The following NEO1 variants were observed in gnomAD, a reference collection of about 807,000 sequenced individuals.
The protein encoded by NEO1 is neogenin 1, also known as neogenin.
Under a neutral mutation model 159.7 loss-of-function variants are expected in NEO1, and 63 were observed. The observed-to-expected ratio is 0.39, with a 90% CI of 0.32 to 0.49. The LOEUF is 0.49. Among genes scored for constraint, NEO1 ranks in the 20% least tolerant of loss-of-function variants. NEO1 has a pLI of 0.85. For missense variants in NEO1, 1,615 were observed against 1,831.0 expected (o/e 0.88, Z 2.15); for synonymous variants, 633 against 662.0 (o/e 0.96, Z 0.67).
intron 5 of NEO1, among the ~76,000 whole-genome samples, chr15:73,144,179 G>A (rs1246046196): frequency 5.9e-5 from 9 of 152,106 alleles, no homozygotes; most frequent in African/African-American, 2.2e-4. Flanking sequence ...TTATTCTGGA[G>A]GAAGATGAAC....
rs561678497 is a variant in NEO1, at chr15:73,257,103, GC to G, written c.2093-1661del. Among the ~76,000 whole-genome samples, 88 of 116,180 alleles carry G rather than the reference GC, an allele frequency of 7.6e-4. 1 individual carries two copies. The highest frequency in any genetic ancestry group is 2.8e-3 in the African/African-American group (84 of 30,486). The allele number at this position is 116,180 out of a possible 152,430, so 76.2% of individuals were successfully genotyped here. On this transcript the variant is annotated intron_variant, in intron 13 of 28. Transcript: ENST00000261908. ...GCCGTGATTGTGCCACTGCACTCTA[GC>G]CTGGGCAACAGAGAGAGACTCTGTC...
At chr15:73,161,124 T>C (rs988001224) in intron 5 of NEO1, among the ~76,000 whole-genome samples, 4 of 152,190 alleles carry the variant, frequency 2.6e-5, no homozygotes, top group African/African-American at 4.8e-5. Flanking sequence ...CAAGCCAATA[T>C]GTTTAAATTT....
intron 1 of NEO1, among the ~76,000 whole-genome samples, chr15:73,108,236 C>A (rs2070787418): frequency 6.6e-6 from 1 of 152,136 alleles, no homozygotes; most frequent in Non-Finnish European, 1.5e-5. Context: ...TGGAGAATTT[C>A]CAAGTAACTG....
At chr15:73,056,475 A>G (rs2067701563) in intron 1 of NEO1, among the ~76,000 whole-genome samples, 1 of 152,150 alleles carries the variant, frequency 6.6e-6, no homozygotes, top group Admixed American at 6.5e-5. Context: ...GGGTTGTCTT[A>G]TTCACCTTTG....
intron 1 of NEO1, among the ~76,000 whole-genome samples, chr15:73,054,095 A>G (rs900433230): frequency 2.0e-5 from 3 of 152,228 alleles, no homozygotes; most frequent in Non-Finnish European, 4.4e-5. Context: ...GTACCCTTAT[A>G]CATTCAGTCC....
intron 5 of NEO1, among the ~76,000 whole-genome samples, chr15:73,176,193 G>A (rs2035272092): frequency 6.6e-6 from 1 of 152,072 alleles, no homozygotes; most frequent in East Asian, 1.9e-4. Flanking sequence ...AAAACAGTTA[G>A]TTGTACCAGC....
chr15:73,244,357 A>G lies in NEO1; in HGVS notation c.1465A>G (p.Asn489Asp). ...KEGIARERVE[N>D]TSHPGEMQVT... Reference sequence around the variant, plus strand: ...CTTTGTCTAAAGGGAACGTGTTGAGAATACCAGTCACCCAGGAGAGATGCA... The same window carrying G: ...CTTTGTCTAAAGGGAACGTGTTGAGGATACCAGTCACCCAGGAGAGATGCA... The change falls in exon 9 of 29, where the codon AAT becomes GAT. Residue 489 changes from asparagine (N) to aspartate (D), a missense_variant. This residue lies in a region of NEO1 where 1,018 missense variants were observed against 1,115.4 expected (regional missense o/e 0.91). Coordinates refer to ENST00000261908, the MANE Select transcript of NEO1 (RefSeq NM_002499.4). 6.2e-7 allele frequency: 1 copy of G among 1,613,484 alleles called. No individual in the cohort carries two copies. The highest frequency in any genetic ancestry group is 8.5e-7 in the Non-Finnish European group (1 of 1,179,632).
At chr15:73,103,690 T>C (rs1595990552) in intron 1 of NEO1, among the ~76,000 whole-genome samples, 2 of 152,250 alleles carry the variant, frequency 1.3e-5, no homozygotes, top group African/African-American at 4.8e-5. Context: ...GTGCTTAGCA[T>C]GTGGCACCCA....
At chr15:73,097,536 T>C (rs1029074354) in intron 1 of NEO1, among the ~76,000 whole-genome samples, 1 of 151,892 alleles carries the variant, frequency 6.6e-6, no homozygotes, top group Admixed American at 6.6e-5. Context: ...AATTTTTGTA[T>C]TTTTAGTAGA....
chr15:73,222,450 A>C (rs2038348687), intron 7 of NEO1, among the ~76,000 whole-genome samples: 2 of 152,010 alleles, frequency 1.3e-5, no homozygotes, highest in Admixed American at 1.3e-4. Context: ...TTATTGATCT[A>C]TTTAGAGTAT....
intron 5 of NEO1, among the ~76,000 whole-genome samples, chr15:73,167,204 A>T (rs992739880): frequency 6.6e-6 from 1 of 151,884 alleles, no homozygotes; most frequent in South Asian, 2.1e-4. Flanking sequence ...CAGCACACCA[A>T]CATGGCACTT....
intron 4 of NEO1, among the ~76,000 whole-genome samples, chr15:73,130,910 C>T (rs578175662): frequency 6.6e-6 from 1 of 152,304 alleles, no homozygotes; most frequent in Admixed American, 6.5e-5. Context: ...CCCCTTCTAC[C>T]CAGGGAGGCA....
chr15:73,289,072 A>T (rs1309335455), intron 24 of NEO1, 74 bp from the exon 25 acceptor site: 2 of 1,138,904 alleles, frequency 1.8e-6, no homozygotes. Flanking sequence ...CCCCTACTAG[A>T]AATGTTTCAC....
At chr15:73,215,844 G>T (rs1330965121) in intron 7 of NEO1, among the ~76,000 whole-genome samples, 1 of 152,096 alleles carries the variant, frequency 6.6e-6, no homozygotes, top group Non-Finnish European at 1.5e-5. Context: ...GTGGAATAGT[G>T]TCAAAAGGAT....
At chr15:73,236,901 G>A (rs1415121577) in intron 8 of NEO1, among the ~76,000 whole-genome samples, 1 of 152,120 alleles carries the variant, frequency 6.6e-6, no homozygotes, top group Non-Finnish European at 1.5e-5. Flanking sequence ...CTCCTTGATG[G>A]AATAAGAGTA....
At chr15:73,179,789 G>A (rs2035492649) in intron 7 of NEO1, among the ~76,000 whole-genome samples, 1 of 151,902 alleles carries the variant, frequency 6.6e-6, no homozygotes, top group Non-Finnish European at 1.5e-5. Flanking sequence ...CTGTTTTGTT[G>A]CAACAGCATG....
At chr15:73,210,215 T>C (rs1318383838) in intron 7 of NEO1, among the ~76,000 whole-genome samples, 1 of 152,220 alleles carries the variant, frequency 6.6e-6, no homozygotes. Flanking sequence ...TTTACAAGAA[T>C]ATGGTGCCCA....
intron 3 of NEO1, among the ~76,000 whole-genome samples, chr15:73,124,889 T>A (rs2029965614): frequency 6.6e-6 from 1 of 152,194 alleles, no homozygotes; most frequent in African/African-American, 2.4e-5. Context: ...GGCTATGAAT[T>A]TGTTTAATTG....
intron 1 of NEO1, among the ~76,000 whole-genome samples, chr15:73,105,498 T>G (rs1020180797): frequency 2.6e-5 from 4 of 152,230 alleles, no homozygotes; most frequent in African/African-American, 7.2e-5. Flanking sequence ...AAAATTAAAA[T>G]TAACTCAGTA....
Sources: allele counts gnomAD v4.1 joint callset (sites outside exome capture counted in the v4.1 genomes callset), GRCh38; gene constraint gnomAD v4.1.1; regional missense constraint gnomAD v4.1.1; transcripts MANE v1.5; gene names NCBI Gene and HGNC (gene_info 2026-07-23, HGNC 2026-07-21).